R3HCC1L: variants seen among roughly 807,000 people sequenced by gnomAD.
R3HCC1L encodes coiled-coil domain-containing protein R3HCC1L.
R3HCC1L carries 51 observed loss-of-function variants against 59.9 expected under a neutral mutation model. The observed-to-expected ratio is 0.85, with a 90% CI of 0.68 to 1.07. The LOEUF is 1.07. Ranked by LOEUF, R3HCC1L falls within the 50% of genes least tolerant of loss-of-function variation. The pLI is 0.00. For synonymous variants in R3HCC1L, 322 were observed against 315.2 expected, an observed-to-expected ratio of 1.02 and a Z score of -0.23; for missense variants, 965 against 933.0, an observed-to-expected ratio of 1.03 and a Z score of -0.45.
intron 5 of R3HCC1L, among the ~76,000 whole-genome samples, chr10:98,212,632 A>G (rs929193351): frequency 6.6e-6 from 1 of 152,218 alleles, no homozygotes; most frequent in Non-Finnish European, 1.5e-5. Flanking sequence ...TGATATTGGC[A>G]TGACTTTTTT....
intron 4 of R3HCC1L, chr10:98,186,651 G>T: frequency 3.1e-6 from 1 of 319,264 alleles, no homozygotes; most frequent in Non-Finnish European, 4.5e-6. Context: ...GCAGTGGAGG[G>T]GCAAAGTATA....
At chr10:98,239,883 A>T (rs774365367) in intron 9 of R3HCC1L, among the ~76,000 whole-genome samples, 2 of 151,940 alleles carry the variant, frequency 1.3e-5, no homozygotes, top group Non-Finnish European at 2.9e-5. Context: ...TTTAGTAGTG[A>T]TGGGGTCTCT....
chr10:98,160,432 G>A (rs1011008781), intron 2 of R3HCC1L, among the ~76,000 whole-genome samples: 1 of 152,092 alleles, frequency 6.6e-6, no homozygotes, highest in African/African-American at 2.4e-5. Context: ...AAGTGTATTA[G>A]ATAAAATATA....
intron 4 of R3HCC1L, among the ~76,000 whole-genome samples, chr10:98,189,958 C>G (rs1192465368): frequency 1.3e-5 from 2 of 152,070 alleles, no homozygotes; most frequent in Non-Finnish European, 2.9e-5. Flanking sequence ...CCTTAGTATC[C>G]CTGGAGAATT....
rs1854500867 is a variant in R3HCC1L, at chr10:98,218,656, G to GTTGTTGTT, written c.1785+8757_1785+8758insTTGTTGTT. On this transcript the variant is annotated intron_variant, in intron 5 of 9. Coordinates refer to ENST00000298999, the MANE Select transcript of R3HCC1L (RefSeq NM_001351015.2). ...GATGAGAATGTATCCTGCAGTTGTT[G>GTTGTTGTT]GGTAAAGTGTTCCAGTAATGTCTGT... Among the ~76,000 whole-genome samples the GTTGTTGTT allele has an allele frequency of 3.3e-5, 5 of 152,242 alleles. No individual in the cohort carries two copies. The South Asian group carries it at 1.0e-3, about 32-fold the overall frequency.
intron 4 of R3HCC1L, among the ~76,000 whole-genome samples, chr10:98,186,990 A>C (rs1245122146): frequency 6.6e-6 from 1 of 152,112 alleles, no homozygotes; most frequent in Non-Finnish European, 1.5e-5. Context: ...ATTTGTCTGT[A>C]AAATGGTGAT....
At chr10:98,206,158 A>G (rs1337956217) in intron 4 of R3HCC1L, among the ~76,000 whole-genome samples, 1 of 152,056 alleles carries the variant, frequency 6.6e-6, no homozygotes, top group African/African-American at 2.4e-5. Context: ...TTAGCTCTAC[A>G]TTGTATGACA....
At position 98,183,958 on chromosome 10, in the gene R3HCC1L, G is replaced by GTTTTTTTTTTTTTTTTTTTTTTTTTTT. The variant is rs71007380; in HGVS notation, c.-15+20576_-15+20577insTTTTTTTTTTTTTTTTTTTTTTTTTTT. ...TTTTTTTTTCTTTGCTCCTTTTTCG[G>GTTTTTTTTTTTTTTTTTTTTTTTTTTT]TTTTTTTTTTTTTTTGGTTGAAATC... On this transcript the variant is annotated intron_variant, in intron 4 of 9. Transcript: ENST00000298999. 8.7e-5 allele frequency among the ~76,000 whole-genome samples: 11 copies of GTTTTTTTTTTTTTTTTTTTTTTTTTTT among 126,564 alleles called. 1 individual carries two copies. The highest frequency in any genetic ancestry group is 2.4e-4 in the Admixed American group (3 of 12,584). The allele number at this position is 126,564 out of a possible 152,430, so 83.0% of individuals were successfully genotyped here.
intron 9 of R3HCC1L, among the ~76,000 whole-genome samples, chr10:98,240,027 C>T (rs1311851517): frequency 2.0e-5 from 3 of 152,170 alleles, no homozygotes; most frequent in African/African-American, 7.2e-5. Flanking sequence ...AACTCAGGGC[C>T]AGGCATGGTG....
At chr10:98,186,538 C>T (rs2134711159) in intron 4 of R3HCC1L, 3 of 977,526 alleles carry the variant, frequency 3.1e-6, no homozygotes, top group South Asian at 9.5e-5. Context: ...GTGTTCAAGT[C>T]TTCTGAGACT....
intron 1 of R3HCC1L, among the ~76,000 whole-genome samples, chr10:98,149,599 A>G (rs1845960633): frequency 6.6e-6 from 1 of 152,144 alleles, no homozygotes; most frequent in South Asian, 2.1e-4. Flanking sequence ...TTCTTCATTG[A>G]TCATTCAGAT....
At position 98,235,487 on chromosome 10, in the gene R3HCC1L, A is replaced by G. The variant is rs369929312; in HGVS notation, c.2095A>G (p.Arg699Gly). The G allele has an allele frequency of 5.6e-6, 9 of 1,613,632 alleles. No homozygotes were observed. In the African/African-American group the frequency reaches 9.3e-5, roughly 17 times the overall value. ...VKIRPLSQAT[R>G]AAKAKARAYA... ...GATTCGTCCCTTGTCACAGGCCACA[A>G]GAGCAGCCAAGGCCAAAGCTAGAGC... The change falls in exon 8 of 10, where the codon AGA becomes GGA. Residue 699 changes from arginine (R) to glycine (G), a missense_variant. By Grantham distance (125) the Arg-to-Gly change is moderately radical. Transcript: ENST00000298999.
At chr10:98,144,720 CA>C (rs1193417427) in intron 1 of R3HCC1L, among the ~76,000 whole-genome samples, 3 of 152,192 alleles carry the variant, frequency 2.0e-5, no homozygotes, top group Admixed American at 1.3e-4. Flanking sequence ...TATTCATACG[CA>C]AAAGAAGTCC....
At chr10:98,200,691 A>C (rs1851937980) in intron 4 of R3HCC1L, among the ~76,000 whole-genome samples, 1 of 152,176 alleles carries the variant, frequency 6.6e-6, no homozygotes, top group South Asian at 2.1e-4. Flanking sequence ...TTAAGCACAA[A>C]AAAGGGGACA....
intron 4 of R3HCC1L, among the ~76,000 whole-genome samples, chr10:98,201,240 C>T (rs538726977): frequency 6.6e-6 from 1 of 152,106 alleles, no homozygotes; most frequent in Non-Finnish European, 1.5e-5. Flanking sequence ...TCTTAACATT[C>T]AAGATATTTG....
At chr10:98,152,903 G>A (rs1424422672) in intron 1 of R3HCC1L, among the ~76,000 whole-genome samples, 2 of 151,256 alleles carry the variant, frequency 1.3e-5, no homozygotes, top group Admixed American at 1.3e-4. Context: ...GGAGGAGGGG[G>A]GTCAGCCCCT....
Position 98,221,064 on chromosome 10 carries a change from T to C in R3HCC1L, c.1786-10448T>C, listed in dbSNP as rs1250369970. Among the ~76,000 whole-genome samples the C allele has an allele frequency of 4.0e-5, 6 of 150,232 alleles. No individual in the cohort carries two copies. In the East Asian group the frequency reaches 1.2e-3, roughly 29 times the overall value. ...TGTTGTTTCCTGACTTTTTAATGAT[T>C]GCCATTCTAACTGGTATGAGATGGT... On this transcript the variant is annotated intron_variant, in intron 5 of 9. Transcript: ENST00000298999.
intron 9 of R3HCC1L, 29 bp from the exon 10 acceptor site, chr10:98,244,062 A>G: frequency 6.2e-7 from 1 of 1,605,378 alleles, no homozygotes; most frequent in Non-Finnish European, 8.5e-7. Context: ...GAAGTAGACA[A>G]CTGTGGTTAA....
intron 9 of R3HCC1L, among the ~76,000 whole-genome samples, chr10:98,239,586 C>T (rs10748721): frequency 0.41 from 62,883 of 151,910 alleles, 13,341 homozygotes; most frequent in South Asian, 0.57. Flanking sequence ...ATGCTAAGTC[C>T]TCCATGTTTT....
Sources: allele counts gnomAD v4.1 joint callset (sites outside exome capture counted in the v4.1 genomes callset), GRCh38; gene constraint gnomAD v4.1.1; transcripts MANE v1.5; gene names NCBI Gene and HGNC (gene_info 2026-07-23, HGNC 2026-07-21).